The following PTPRD variants were observed in gnomAD, a reference collection of about 807,000 sequenced individuals.
PTPRD encodes receptor-type tyrosine-protein phosphatase delta.
PTPRD carries 34 observed loss-of-function variants against 214.5 expected under a neutral mutation model. That is an observed-to-expected ratio of 0.16 (90% CI 0.12 to 0.21). The LOEUF (loss-of-function observed/expected upper bound fraction) is 0.21, where lower values mean the gene tolerates loss of function less well. Ranked by LOEUF, PTPRD falls within the 10% of genes least tolerant of loss-of-function variation. The pLI, the probability that PTPRD is intolerant of heterozygous loss-of-function variation, is 1.00. For synonymous variants in PTPRD, 1,128 were observed against 845.7 expected, an observed-to-expected ratio of 1.33 and a Z score of -5.79; for missense variants, 2,545 against 2,398.7, an observed-to-expected ratio of 1.06 and a Z score of -1.27.
intron 3 of PTPRD, among the ~76,000 whole-genome samples, chr9:10,049,564 G>T (rs2097487757): frequency 6.6e-6 from 1 of 152,038 alleles, no homozygotes; most frequent in African/African-American, 2.4e-5. Flanking sequence ...TGAGGTCATT[G>T]TTAATAAAGT....
chr9:9,955,526 G>T (rs867743659), intron 4 of PTPRD, among the ~76,000 whole-genome samples: 2,692 of 133,672 alleles, frequency 0.02, 102 homozygotes, highest in African/African-American at 0.064. Context: ...GTTTTGTTTT[G>T]TTTTTTTTTT....
intron 3 of PTPRD, among the ~76,000 whole-genome samples, chr9:10,220,846 C>T (rs2099568647): frequency 6.6e-6 from 1 of 150,830 alleles, no homozygotes; most frequent in South Asian, 2.1e-4. Context: ...TAAATTTATG[C>T]AATTTTGAAG....
chr9:9,717,395 T>C (rs1186834752), intron 7 of PTPRD, among the ~76,000 whole-genome samples: 2 of 152,174 alleles, frequency 1.3e-5, no homozygotes, highest in Admixed American at 6.5e-5. Flanking sequence ...AAGAAAGTCA[T>C]TGGTAGCTTG....
chr9:9,423,494 T>C (rs1471264468), intron 8 of PTPRD, among the ~76,000 whole-genome samples: 1 of 152,144 alleles, frequency 6.6e-6, no homozygotes, highest in Non-Finnish European at 1.5e-5. Context: ...ATATTTTGTA[T>C]GACAACCTAG....
chr9:8,459,914 T>C (rs2096340829), intron 33 of PTPRD, among the ~76,000 whole-genome samples: 1 of 152,090 alleles, frequency 6.6e-6, no homozygotes, highest in Non-Finnish European at 1.5e-5. Flanking sequence ...CCTTCCTTAA[T>C]CCTTAATTTT....
intron 2 of PTPRD, among the ~76,000 whole-genome samples, chr9:10,364,490 C>G (rs2097474553): frequency 1.3e-5 from 2 of 152,256 alleles, no homozygotes; most frequent in South Asian, 4.1e-4. Context: ...TATATTTATA[C>G]AAATTTTAAA....
At chr9:9,096,727 C>T (rs1193632542) in intron 10 of PTPRD, among the ~76,000 whole-genome samples, 1 of 152,052 alleles carries the variant, frequency 6.6e-6, no homozygotes, top group Admixed American at 6.6e-5. Flanking sequence ...GAACAGTAAA[C>T]ACATTTCAAT....
rs549867845 is a variant in PTPRD at position 10,246,828 on chromosome 9, A to C, written c.-545+94135T>G. 4.0e-3 allele frequency among the ~76,000 whole-genome samples: 613 copies of C among 151,734 alleles called. 4 individuals carry two copies. The highest frequency in any genetic ancestry group is 0.014 in the African/African-American group (582 of 41,320). ...AGAATCGCTTGAACCTGGGAGGCTG[A>C]GGTTGCAGTGAGCCGAGATCACACC... is the stretch of plus-strand genomic sequence containing the variant. On this transcript the variant is annotated intron_variant, in intron 3 of 45. Coordinates refer to ENST00000381196, the MANE Select transcript of PTPRD (RefSeq NM_002839.4).
At chr9:9,091,687 A>G (rs1458776671) in intron 10 of PTPRD, among the ~76,000 whole-genome samples, 1 of 152,240 alleles carries the variant, frequency 6.6e-6, no homozygotes, top group East Asian at 1.9e-4. Flanking sequence ...TGTAACAAGT[A>G]CTATATTTGC....
At chr9:10,155,827 T>C (rs528365659) in intron 3 of PTPRD, among the ~76,000 whole-genome samples, 1 of 152,232 alleles carries the variant, frequency 6.6e-6, no homozygotes, top group South Asian at 2.1e-4. Flanking sequence ...TTTTTTAATG[T>C]GCTGCTGGAC....
At chr9:8,491,658 TAAAAAAAAAA>T (rs922847603) in intron 27 of PTPRD, among the ~76,000 whole-genome samples, 1 of 113,532 alleles carries the variant, frequency 8.8e-6, no homozygotes, top group Non-Finnish European at 1.8e-5. Context: ...CAATGGTATT[TAAAAAAAAAA>T]AAAAAAAAAA....
At chr9:8,913,994 T>A (rs2098766892) in intron 11 of PTPRD, among the ~76,000 whole-genome samples, 1 of 152,134 alleles carries the variant, frequency 6.6e-6, no homozygotes, top group Non-Finnish European at 1.5e-5. Context: ...ATGGTGCTGT[T>A]ATTCTCAGAG....
chr9:8,331,431 T>TGAAAA (rs1840913922), intron 44 of PTPRD, 151 bp downstream of exon 44: 4 of 951,790 alleles, frequency 4.2e-6, no homozygotes, highest in Non-Finnish European at 5.9e-6. Context: ...TTTCACTTTA[T>TGAAAA]GAAAAGAAAG....
Position 9,682,416 on chromosome 9 carries a change from C to G in PTPRD, c.-287+52117G>C, listed in dbSNP as rs545691834. Among the ~76,000 whole-genome samples the G allele has an allele frequency of 2.6e-5, 4 of 151,874 alleles. No homozygotes were observed. In the South Asian group the frequency reaches 8.3e-4, roughly 31 times the overall value. On this transcript the variant is annotated intron_variant, in intron 7 of 45. Transcript: ENST00000381196. ...TTTCTGTCAAAGTCAGGAGGTGATT[C>G]TGGCTCTGGGTTTCAGAGACTTTCA...
At chr9:10,551,885 T>C (rs1490604965) in intron 2 of PTPRD, among the ~76,000 whole-genome samples, 1 of 152,220 alleles carries the variant, frequency 6.6e-6, no homozygotes, top group Non-Finnish European at 1.5e-5. Context: ...TGAAACATGC[T>C]GTCTTTCATT....
intron 5 of PTPRD, among the ~76,000 whole-genome samples, chr9:9,838,121 G>C (rs187843316): frequency 9.8e-5 from 15 of 152,302 alleles, no homozygotes; most frequent in Admixed American, 5.9e-4. Flanking sequence ...TGGCCGCCTA[G>C]TATTCCATGG....
chr9:8,474,556 C>G (rs2096725691), intron 30 of PTPRD, among the ~76,000 whole-genome samples: 1 of 152,158 alleles, frequency 6.6e-6, no homozygotes, highest in Admixed American at 6.5e-5. Context: ...AATTCATAAT[C>G]AGCAACCCCA....
intron 11 of PTPRD, among the ~76,000 whole-genome samples, chr9:8,782,313 A>G (rs1461732274): frequency 6.6e-6 from 1 of 152,134 alleles, no homozygotes; most frequent in African/African-American, 2.4e-5. Flanking sequence ...TTTATAATAC[A>G]TTGTTATTAA....
At chr9:8,797,332 T>C (rs2096459311) in intron 11 of PTPRD, 1 of 152,188 alleles carries the variant, frequency 6.6e-6, no homozygotes, top group African/African-American at 2.4e-5. Context: ...GAAAAGCTCA[T>C]TTAAAGGAAA....
Sources: allele counts gnomAD v4.1 joint callset (sites outside exome capture counted in the v4.1 genomes callset), GRCh38; gene constraint gnomAD v4.1.1; transcripts MANE v1.5; gene names NCBI Gene and HGNC (gene_info 2026-07-23, HGNC 2026-07-21).